RABGAP1L: variants seen among roughly 807,000 people sequenced by gnomAD.
The protein encoded by RABGAP1L is RAB GTPase activating protein 1 like.
In RABGAP1L, 63 loss-of-function variants were observed where a neutral mutation model predicts 137.7. That is an observed-to-expected ratio of 0.46 (90% confidence interval 0.37 to 0.56). RABGAP1L has a LOEUF of 0.56. Ranked by LOEUF, RABGAP1L falls within the 20% of genes least tolerant of loss-of-function variation. The pLI is 0.00. For synonymous variants in RABGAP1L, 431 were observed against 433.7 expected (o/e 0.99, Z 0.08); for missense variants, 1,095 against 1,244.0 (o/e 0.88, Z 1.80).
At chr1:174,454,551 A>AT (rs202016873) in intron 13 of RABGAP1L, among the ~76,000 whole-genome samples, 2,265 of 132,816 alleles carry the variant, frequency 0.017, 72 homozygotes, top group African/African-American at 0.054. Flanking sequence ...TCACTGTAGG[A>AT]TTTTTTTTTT....
In RABGAP1L at chr1:174,990,808, A is replaced by C. The variant is rs1425416172; in HGVS notation, c.*807A>C. On this transcript the variant is annotated 3_prime_UTR_variant, in exon 26 of 26. Transcript: ENST00000681986. ...AAGTTAAAGGTGGATATTGCACCTT[A>C]CAGACTTAGGGAGCCTTTACCAGAG... 1 of 152,258 alleles carries C rather than the reference A, an allele frequency of 6.6e-6. No homozygotes were observed. Among genetic ancestry groups the C allele is most frequent in the African/African-American group, 2.4e-5 (1 of 41,462 alleles). 9.4% of individuals were successfully genotyped at this position (152,258 alleles called of 1,614,324 possible).
chr1:174,162,777 G>GTTTTTTTT (rs67811794), intron 1 of RABGAP1L, among the ~76,000 whole-genome samples: 3 of 51,554 alleles, frequency 5.8e-5, no homozygotes, highest in African/African-American at 1.6e-4. Flanking sequence ...TTCTCTTTCT[G>GTTTTTTTT]TTTTTTTTTT....
chr1:174,673,847 A>G (rs1005951428), intron 14 of RABGAP1L, among the ~76,000 whole-genome samples: 1 of 152,224 alleles, frequency 6.6e-6, no homozygotes, highest in Non-Finnish European at 1.5e-5. Flanking sequence ...TGCTAACTCA[A>G]TAAAGATAGT....
chr1:174,349,735 G>A (rs1682896161), intron 11 of RABGAP1L, among the ~76,000 whole-genome samples: 1 of 135,860 alleles, frequency 7.4e-6, no homozygotes, highest in Admixed American at 7.1e-5. Context: ...GCGGGGGGCT[G>A]ACCCCCCCAC....
At chr1:174,385,155 G>A (rs1042911674) in intron 12 of RABGAP1L, among the ~76,000 whole-genome samples, 4 of 152,182 alleles carry the variant, frequency 2.6e-5, no homozygotes, top group Admixed American at 6.5e-5. Flanking sequence ...ATAATCCAGG[G>A]GAGAGATAAT....
chr1:174,844,090 A>AT (rs1693790964), intron 19 of RABGAP1L, among the ~76,000 whole-genome samples: 1 of 151,520 alleles, frequency 6.6e-6, no homozygotes, highest in Non-Finnish European at 1.5e-5. Flanking sequence ...TTTCTTGTAA[A>AT]TTTGTTCGAG....
At chr1:174,909,738 G>A (rs1659748800) in intron 19 of RABGAP1L, among the ~76,000 whole-genome samples, 1 of 152,160 alleles carries the variant, frequency 6.6e-6, no homozygotes, top group African/African-American at 2.4e-5. Context: ...CATCGTTAGA[G>A]ACTGTTATGA....
chr1:174,728,622 G>A (rs332797), intron 17 of RABGAP1L, among the ~76,000 whole-genome samples: 48,987 of 136,432 alleles, frequency 0.36, 11,762 homozygotes, highest in African/African-American at 0.7. Context: ...TTTTGAGATG[G>A]AGTCTCACTG....
intron 10 of RABGAP1L, among the ~76,000 whole-genome samples, chr1:174,285,445 G>T (rs1290435871): frequency 6.6e-6 from 1 of 150,694 alleles, no homozygotes; most frequent in East Asian, 1.9e-4. Context: ...ATAGTTTGTC[G>T]ATTTCGTATA....
At chr1:174,491,770 G>A (rs1015422667) in intron 13 of RABGAP1L, among the ~76,000 whole-genome samples, 4 of 152,196 alleles carry the variant, frequency 2.6e-5, no homozygotes, top group African/African-American at 9.7e-5. Flanking sequence ...GCTCAGATGG[G>A]TGATTCCCAT....
At chr1:174,615,312 A>G (rs977094761) in intron 13 of RABGAP1L, among the ~76,000 whole-genome samples, 2 of 152,146 alleles carry the variant, frequency 1.3e-5, no homozygotes, top group Non-Finnish European at 2.9e-5. Context: ...CCTCAGCTGC[A>G]GGTCTTTTGG....
chr1:174,586,926 G>T (rs1237681098), intron 13 of RABGAP1L, among the ~76,000 whole-genome samples: 3 of 152,066 alleles, frequency 2.0e-5, no homozygotes, highest in Non-Finnish European at 4.4e-5. Context: ...TACAATATGA[G>T]TGTGATGTTC....
At chr1:174,275,803 T>C (rs920844215) in intron 8 of RABGAP1L, 30 bp from the exon 9 acceptor site, 2 of 1,516,056 alleles carry the variant, frequency 1.3e-6, no homozygotes, top group Non-Finnish European at 9.1e-7. Flanking sequence ...TGATGTCTTT[T>C]ATCAGTAATT....
Position 174,753,078 on chromosome 1 carries a change from T to C in RABGAP1L, c.2211+724T>C, listed in dbSNP as rs541184092. On this transcript the variant is annotated intron_variant, in intron 18 of 25. Coordinates refer to ENST00000681986, the MANE Select transcript of RABGAP1L (RefSeq NM_001366446.1). ...CAGACCTGGACTCAGACAGATTTGC[T>C]TCTAATTTCAGCCCTACCATATGAC... Among the ~76,000 whole-genome samples the C allele has an allele frequency of 3.9e-5, 6 of 152,340 alleles. No individual in the cohort carries two copies. In the South Asian group the frequency reaches 1.0e-3, roughly 26 times the overall value.
intron 11 of RABGAP1L, among the ~76,000 whole-genome samples, chr1:174,326,124 T>C (rs1248723555): frequency 1.3e-5 from 2 of 152,110 alleles, no homozygotes; most frequent in Non-Finnish European, 2.9e-5. Flanking sequence ...AGAATAAATA[T>C]CTAATTTGTT....
intron 13 of RABGAP1L, among the ~76,000 whole-genome samples, chr1:174,622,593 C>G (rs1037757689): frequency 6.6e-6 from 1 of 152,162 alleles, no homozygotes. Flanking sequence ...TCTCAGCAAA[C>G]TGTCACAAGG....
intron 19 of RABGAP1L, among the ~76,000 whole-genome samples, chr1:174,941,685 C>T (rs201021780): frequency 5.2e-5 from 6 of 115,948 alleles, no homozygotes; most frequent in South Asian, 2.5e-4. Flanking sequence ...CCCACCAAAA[C>T]GAAACAAAAC....
intron 3 of RABGAP1L, among the ~76,000 whole-genome samples, chr1:174,228,843 T>C (rs1386005402): frequency 6.6e-6 from 1 of 152,072 alleles, no homozygotes; most frequent in Non-Finnish European, 1.5e-5. Context: ...AAGTGATACA[T>C]GTATGCTTAA....
At chr1:174,644,405 G>C (rs1483310453) in intron 14 of RABGAP1L, among the ~76,000 whole-genome samples, 1 of 152,038 alleles carries the variant, frequency 6.6e-6, no homozygotes, top group East Asian at 1.9e-4. Context: ...GTGGGATTTT[G>C]AGGATGATAA....
Sources: allele counts gnomAD v4.1 joint callset (sites outside exome capture counted in the v4.1 genomes callset), GRCh38; gene constraint gnomAD v4.1.1; transcripts MANE v1.5; gene names NCBI Gene and HGNC (gene_info 2026-07-23, HGNC 2026-07-21).